Variants in SLC25A43 observed in about 807,000 individuals in gnomAD.
SLC25A43 encodes solute carrier family 25 member 43.
In SLC25A43, 10 loss-of-function variants were observed where a neutral mutation model predicts 22.8. The ratio of observed to expected loss-of-function variants is 0.44; its 90% CI spans 0.27 to 0.74. The LOEUF is 0.74. Ranked by LOEUF, SLC25A43 falls within the 30% of genes least tolerant of loss-of-function variation. The pLI is 0.17. For synonymous variants in SLC25A43, 106 were observed against 121.6 expected, an observed-to-expected ratio of 0.87 and a Z score of 0.84; for missense variants, 233 against 279.1, an observed-to-expected ratio of 0.83 and a Z score of 1.18.
intron 3 of SLC25A43, among the ~76,000 whole-genome samples, chrX:119,429,733 A>C (rs993355816): frequency 6.3e-5 from 7 of 111,898 alleles, no homozygotes; most frequent in Admixed American, 3.8e-4. Context: ...GGAGAAGCAC[A>C]GGGTGACTGA....
At chrX:119,429,651 T>C (rs1010938350) in intron 3 of SLC25A43, among the ~76,000 whole-genome samples, 4 of 111,556 alleles carry the variant, frequency 3.6e-5, no homozygotes, top group Admixed American at 9.6e-5. Context: ...GATGGAGCAG[T>C]TGGGGGCAGG....
At chrX:119,449,382 C>G (rs1294820194) in intron 3 of SLC25A43, among the ~76,000 whole-genome samples, 1 of 97,703 alleles carries the variant, frequency 1.0e-5, no homozygotes, top group Non-Finnish European at 2.0e-5. Flanking sequence ...TGACTGCACT[C>G]CAACCTGAGC....
At chrX:119,413,450 A>G (rs2052368089) in intron 3 of SLC25A43, among the ~76,000 whole-genome samples, 1 of 111,861 alleles carries the variant, frequency 8.9e-6, no homozygotes, top group South Asian at 3.7e-4. Flanking sequence ...TCACGGCTGT[A>G]ATCCCAGCAC....
At chrX:119,410,714 C>A (rs1434200468) in intron 3 of SLC25A43, among the ~76,000 whole-genome samples, 4 of 110,411 alleles carry the variant, frequency 3.6e-5, no homozygotes. Flanking sequence ...CATGGTGAAA[C>A]CCCGCCTCTA....
At chrX:119,426,931 G>A (rs3848872) in intron 3 of SLC25A43, among the ~76,000 whole-genome samples, 21,898 of 110,912 alleles carry the variant, frequency 0.2, 1,647 homozygotes, top group African/African-American at 0.24. Flanking sequence ...TATAGCTAAT[G>A]ATGAGCAGCG....
chrX:119,424,616 G>A (rs760105502), intron 3 of SLC25A43, among the ~76,000 whole-genome samples: 1 of 112,310 alleles, frequency 8.9e-6, no homozygotes, highest in South Asian at 3.7e-4. Flanking sequence ...CAGCCTCAGT[G>A]CAAGAGTTGA....
chrX:119,434,014 AC>A (rs1422862874), intron 3 of SLC25A43, among the ~76,000 whole-genome samples: 1 of 111,792 alleles, frequency 8.9e-6, no homozygotes, highest in African/African-American at 3.3e-5. Flanking sequence ...GGGCAGGTAG[AC>A]CAGCTAGTAA....
At chrX:119,431,503 T>C (rs1436904831) in intron 3 of SLC25A43, among the ~76,000 whole-genome samples, 1 of 83,179 alleles carries the variant, frequency 1.2e-5, no homozygotes. Flanking sequence ...ACAGTGAGAC[T>C]GTGTCTCCAA....
chrX:119,420,344 C>A (rs2052441700), intron 3 of SLC25A43, among the ~76,000 whole-genome samples: 1 of 105,530 alleles, frequency 9.5e-6, no homozygotes, highest in South Asian at 4.4e-4. Context: ...CTCTCCCAGG[C>A]TGGAGTGCAG....
intron 3 of SLC25A43, among the ~76,000 whole-genome samples, chrX:119,441,711 C>T (rs2052624334): frequency 9.0e-6 from 1 of 111,144 alleles, no homozygotes; most frequent in African/African-American, 3.3e-5. Flanking sequence ...TGGGAAGCAC[C>T]AAGAAATTTA....
At chrX:119,399,733 G>C in intron 1 of SLC25A43, 55 bp downstream of exon 1, 1 of 976,698 alleles carries the variant, frequency 1.0e-6, no homozygotes, top group Non-Finnish European at 1.3e-6. Flanking sequence ...TGGGGTGGGG[G>C]AGCCGCGGCC....
At chrX:119,448,350 T>C (rs1190868793) in intron 3 of SLC25A43, among the ~76,000 whole-genome samples, 1 of 111,512 alleles carries the variant, frequency 9.0e-6, no homozygotes, top group African/African-American at 3.3e-5. Flanking sequence ...CATGTGAAAA[T>C]ATAAATTAGG....
rs1402784972 is a variant in SLC25A43, at chrX:119,453,836, T to C, written c.*771T>C. The C allele has an allele frequency of 8.9e-6, 1 of 112,498 alleles. No homozygotes were observed. Among genetic ancestry groups the C allele is most frequent in the African/African-American group, 3.2e-5 (1 of 30,971 alleles). The allele number at this position is 112,498 out of a possible 1,213,427, so 9.3% of individuals were successfully genotyped here. On this transcript the variant is annotated 3_prime_UTR_variant, in exon 5 of 5. Coordinates refer to ENST00000217909, the MANE Select transcript of SLC25A43 (RefSeq NM_145305.3). ...GCACCCTGCCCCAGTACAATCTTTT[T>C]TGAACTCAAATTTTTGCTGACATCT...
At chrX:119,426,526 T>C (rs3848871) in intron 3 of SLC25A43, among the ~76,000 whole-genome samples, 6,330 of 111,446 alleles carry the variant, frequency 0.057, 172 homozygotes, top group South Asian at 0.11. Context: ...ATTAGAACCA[T>C]AAAAACCAGT....
chrX:119,409,177 T>C (rs2052325293), intron 2 of SLC25A43, among the ~76,000 whole-genome samples: 1 of 108,368 alleles, frequency 9.2e-6, no homozygotes, highest in Admixed American at 1.0e-4. Flanking sequence ...TATTTATTTA[T>C]TTATTTATTT....
intron 3 of SLC25A43, among the ~76,000 whole-genome samples, chrX:119,441,330 G>C (rs1175711614): frequency 2.4e-5 from 2 of 82,888 alleles, no homozygotes; most frequent in African/African-American, 9.0e-5. Flanking sequence ...GCTTCGGCTC[G>C]CGCACGGTGC....
intron 3 of SLC25A43, among the ~76,000 whole-genome samples, chrX:119,422,209 C>T (rs2052460986): frequency 8.9e-6 from 1 of 112,351 alleles, no homozygotes; most frequent in Admixed American, 9.4e-5. Flanking sequence ...GCCACCGTGC[C>T]CGGCCAAATA....
chrX:119,446,616 ATT>A (rs1473196731), intron 3 of SLC25A43, among the ~76,000 whole-genome samples: 1 of 112,666 alleles, frequency 8.9e-6, no homozygotes, highest in Non-Finnish European at 1.9e-5. Context: ...GAATTTTGAT[ATT>A]TGTTTTCTGC....
intron 3 of SLC25A43, among the ~76,000 whole-genome samples, chrX:119,412,768 TTTTG>T (rs927591480): frequency 6.2e-5 from 7 of 112,283 alleles, no homozygotes; most frequent in African/African-American, 1.6e-4. Flanking sequence ...TCTATTACTT[TTTTG>T]TTTGTTTGTT....
Sources: allele counts gnomAD v4.1 joint callset (sites outside exome capture counted in the v4.1 genomes callset), GRCh38; gene constraint gnomAD v4.1.1; transcripts MANE v1.5; gene names NCBI Gene and HGNC (gene_info 2026-07-23, HGNC 2026-07-21).